Variants in UNC80 observed in about 807,000 individuals in gnomAD.
The protein encoded by UNC80 is unc-80 subunit of NALCN channel complex.
A neutral mutation model predicts 384.6 loss-of-function variants in UNC80; 164 were observed. The observed-to-expected ratio is 0.43, with a 90% CI of 0.38 to 0.49. UNC80 has a LOEUF of 0.49. UNC80 is among the 20% of genes least tolerant of loss of function. The pLI is 0.00. For synonymous variants in UNC80, 1,486 were observed against 1,527.8 expected, an observed-to-expected ratio of 0.97 and a Z score of 0.64; for missense variants, 3,330 against 4,143.0, an observed-to-expected ratio of 0.80 and a Z score of 5.39.
intron 46 of UNC80, 82 bp from the exon 47 acceptor site, chr2:209,945,765 G>T: frequency 1.2e-6 from 1 of 860,854 alleles, no homozygotes; most frequent in South Asian, 1.5e-5. Context: ...ATACTGGAAT[G>T]ATAACATTAG....
chr2:209,949,368 C>A (rs1350810023), intron 47 of UNC80, among the ~76,000 whole-genome samples: 1 of 152,068 alleles, frequency 6.6e-6, no homozygotes, highest in African/African-American at 2.4e-5. Context: ...TATTTGTAAC[C>A]CTCCATTATT....
At chr2:209,949,109 G>A (rs890481370) in intron 47 of UNC80, among the ~76,000 whole-genome samples, 1 of 151,920 alleles carries the variant, frequency 6.6e-6, no homozygotes, top group African/African-American at 2.4e-5. Context: ...AATTATTTTA[G>A]CATTTTTACA....
chr2:209,933,641 G>T (rs1022212049), intron 38 of UNC80, among the ~76,000 whole-genome samples, 181 bp from the exon 39 acceptor site: 1 of 152,068 alleles, frequency 6.6e-6, no homozygotes, highest in Non-Finnish European at 1.5e-5. Context: ...ACAGCAGCCT[G>T]TGTGGTCAGT....
intron 23 of UNC80, among the ~76,000 whole-genome samples, chr2:209,874,841 C>T (rs955513193): frequency 3.9e-5 from 6 of 152,166 alleles, no homozygotes; most frequent in African/African-American, 1.4e-4. Flanking sequence ...ACTCAATCTT[C>T]CAAAATAAAA....
At position 209,945,830 on chromosome 2, in the gene UNC80, A is replaced by G. The variant is rs1051385636; in HGVS notation, c.7190-17A>G. 1.2e-5 allele frequency: 19 copies of G among 1,538,066 alleles called. No homozygotes were observed. Among genetic ancestry groups the G allele is most frequent in the Admixed American group, 2.0e-5 (1 of 50,926 alleles). On this transcript the variant is annotated splice_polypyrimidine_tract_variant and intron_variant, in intron 46 of 64. Transcript: ENST00000673920. The stretch of plus-strand genomic sequence containing the variant: ...AAATCCACTCTGATAGTTTGCCTTT[A>G]CTTTTTGTTCCTTCAGATTTCTGCT...
At position 209,866,747 on chromosome 2, in the gene UNC80, C is replaced by T. The variant is rs140266620; in HGVS notation, c.3628-6011C>T. Among the ~76,000 whole-genome samples the T allele has an allele frequency of 4.8e-3, 730 of 152,242 alleles. 5 individuals carry two copies. The highest frequency in any genetic ancestry group is 6.3e-3 in the Non-Finnish European group (429 of 68,008). ...TTTTGTTTTAAAATTTCCTAATCAA[C>T]TTTCATCATCTAATTCCTTCATCAT... is the stretch of plus-strand genomic sequence containing the variant. On this transcript the variant is annotated intron_variant, in intron 22 of 64. Coordinates refer to ENST00000673920, the MANE Select transcript of UNC80 (RefSeq NM_001371986.1).
intron 62 of UNC80, among the ~76,000 whole-genome samples, 167 bp from the exon 63 acceptor site, chr2:209,993,148 G>A (rs1187618701): frequency 1.3e-5 from 2 of 152,160 alleles, no homozygotes; most frequent in Non-Finnish European, 2.9e-5. Context: ...ACTAGCTAAA[G>A]GGAATGTCAG....
In UNC80 at chr2:209,978,602, G is replaced by T; in HGVS notation, c.9012G>T (p.Met3004Ile). ...CTTACCGCCTGAGCTTGGCCACCAT[G>T]TCCCGCTCTAACACGGGCACGGGCA... ...TSAYRLSLATMSRSNTGTGTV... is the reference protein window; with the variant it reads ...TSAYRLSLATISRSNTGTGTV... The change falls in exon 59 of 65, where the codon ATG becomes ATT. Residue 3004 changes from methionine (M) to isoleucine (I), a missense_variant. Transcript: ENST00000673920. The T allele has an allele frequency of 6.4e-7, 1 of 1,551,564 alleles. No homozygotes were observed. Among genetic ancestry groups the T allele is most frequent in the South Asian group, 1.2e-5 (1 of 84,052 alleles).
chr2:209,961,482 C>A (rs2092588503), intron 51 of UNC80: 2 of 152,030 alleles, frequency 1.3e-5, no homozygotes, highest in South Asian at 4.1e-4. Flanking sequence ...TTTGAGGAAA[C>A]TCAGAAAATA....
intron 15 of UNC80, among the ~76,000 whole-genome samples, chr2:209,830,081 AG>A (rs2080845452): frequency 6.6e-6 from 1 of 152,248 alleles, no homozygotes; most frequent in African/African-American, 2.4e-5. Flanking sequence ...ATGAAGCCTG[AG>A]TTGAATAAAA....
At chr2:209,817,339 G>A (rs940697177) in intron 10 of UNC80, among the ~76,000 whole-genome samples, 1 of 152,024 alleles carries the variant, frequency 6.6e-6, no homozygotes, top group Admixed American at 6.6e-5. Flanking sequence ...CTGTGAAATT[G>A]GACAGGTAAC....
intron 21 of UNC80, among the ~76,000 whole-genome samples, chr2:209,849,098 A>T (rs1159710418): frequency 6.6e-6 from 1 of 152,164 alleles, no homozygotes; most frequent in Non-Finnish European, 1.5e-5. Flanking sequence ...TTGCACAGTG[A>T]TTGCAACTTC....
rs532991117 is a variant in UNC80 at position 209,845,341 on chromosome 2, G to A, written c.3454+2895G>A. On this transcript the variant is annotated intron_variant, in intron 21 of 64. Transcript: ENST00000673920. ...CCCCGTTTGTAGATTTTTCTCCTTG[G>A]TGGAAAAGATAAAAGCATAATTGAC... is the stretch of plus-strand genomic sequence containing the variant. 21 of 152,218 alleles carry A rather than the reference G, an allele frequency of 1.4e-4. No individual in the cohort carries two copies. In the East Asian group the frequency reaches 4.0e-3, roughly 29 times the overall value. 9.4% of individuals were successfully genotyped at this position (152,218 alleles called of 1,614,324 possible).
Position 209,829,368 on chromosome 2 carries a change from C to T in UNC80, c.2615C>T (p.Pro872Leu), listed in dbSNP as rs368223888. The T allele has an allele frequency of 1.6e-5, 25 of 1,551,010 alleles. No homozygotes were observed. Among genetic ancestry groups the T allele is most frequent in the African/African-American group, 5.5e-5 (4 of 72,954 alleles). The change falls in exon 15 of 65, where the codon CCG becomes CTG. Residue 872 changes from proline to leucine, a missense_variant. Around this residue, in one of 8 missense-constraint regions of UNC80, gnomAD observed 937 missense variants for 1,026.8 expected, o/e 0.91. Coordinates refer to ENST00000673920, the MANE Select transcript of UNC80 (RefSeq NM_001371986.1). ...LHALLGFCME[P>L]VTDNKAGFGN... is the part of the protein sequence containing the mutation. ...GCTTTGCTAGGATTTTGTATGGAGCCGGTCACTGACAGTAAGTAAAGCTGC... is the reference window on the plus strand; with the variant it reads ...GCTTTGCTAGGATTTTGTATGGAGCTGGTCACTGACAGTAAGTAAAGCTGC...
Position 209,939,603 on chromosome 2 carries a change from C to T in UNC80, c.6597C>T (p.Phe2199=). The T allele has an allele frequency of 6.4e-7, 1 of 1,551,836 alleles. No homozygotes were observed. Among genetic ancestry groups the T allele is most frequent in the Non-Finnish European group, 8.7e-7 (1 of 1,146,932 alleles). ...LQEDLLRLPS[F]PRSAIDAEFS... ...AAGACCTCCTCCGCCTGCCCTCATT[C>T]CCTCGTAGTGCTATTGATGCTGAGT... is the stretch of plus-strand genomic sequence containing the variant. Residue 2199 remains phenylalanine, a synonymous_variant, in exon 43 of 65, where the codon TTC becomes TTT. Transcript: ENST00000673920.
chr2:209,935,746 G>T lies in UNC80; in HGVS notation c.6211G>T (p.Glu2071Ter). ...AACCTTGGTAGTTCATGGACAGAAT[G>T]AGTGCGATATCCCAACCCAGTTACC... ...TKTLVVHGQN[E>*]CDIPTQLPVH... The change falls in exon 40 of 65, where the codon GAG (glutamate) becomes TAG (stop). Residue 2071 changes from glutamate to a stop codon, truncating the protein, a stop_gained. Transcript: ENST00000673920. LOFTEE classifies it high-confidence loss of function. The T allele has an allele frequency of 6.5e-7, 1 of 1,538,226 alleles. No individual in the cohort carries two copies. The highest frequency in any genetic ancestry group is 8.8e-7 in the Non-Finnish European group (1 of 1,142,012).
At chr2:209,776,968 T>G (rs1164199320) in intron 3 of UNC80, among the ~76,000 whole-genome samples, 3 of 152,224 alleles carry the variant, frequency 2.0e-5, no homozygotes, top group Non-Finnish European at 4.4e-5. Flanking sequence ...AAAATAGGAT[T>G]GCTTTTATCT....
chr2:209,900,082 T>A (rs1042111306), intron 28 of UNC80, among the ~76,000 whole-genome samples: 1 of 152,222 alleles, frequency 6.6e-6, no homozygotes, highest in Non-Finnish European at 1.5e-5. Flanking sequence ...TCAGCGAATA[T>A]CCTTTCTCTC....
chr2:209,819,315 G>T, intron 12 of UNC80, 54 bp downstream of exon 12: 5 of 1,478,518 alleles, frequency 3.4e-6, no homozygotes, highest in Non-Finnish European at 3.6e-6. Context: ...ATTATTTGGT[G>T]CATTTTTGCA....
Sources: gnomAD v4.1 joint callset for allele counts (sites outside exome capture counted in the v4.1 genomes callset) on GRCh38, gnomAD v4.1.1 for gene constraint, gnomAD v4.1.1 regional missense constraint, MANE v1.5 for transcripts, NCBI Gene and HGNC (gene_info 2026-07-23, HGNC 2026-07-21) for gene names.